AOAH: variants seen among roughly 807,000 people sequenced by gnomAD.
AOAH encodes acyloxyacyl hydrolase (neutrophil).
A neutral mutation model predicts 92.2 loss-of-function variants in AOAH; 64 were observed. The ratio of observed to expected loss-of-function variants is 0.69; its 90% CI spans 0.57 to 0.86. AOAH has a LOEUF of 0.86. Ranked by LOEUF, AOAH falls within the 40% of genes least tolerant of loss-of-function variation. AOAH has a pLI of 0.00. For missense variants in AOAH, 656 were observed against 694.6 expected, an observed-to-expected ratio of 0.94 and a Z score of 0.62; for synonymous variants, 263 against 254.5, an observed-to-expected ratio of 1.03 and a Z score of -0.32.
At chr7:36,695,646 A>G (rs999423917) in intron 1 of AOAH, among the ~76,000 whole-genome samples, 3 of 152,196 alleles carry the variant, frequency 2.0e-5, no homozygotes, top group Admixed American at 6.5e-5. Flanking sequence ...CACACTACAT[A>G]TATTAAAACA....
At chr7:36,646,794 G>A (rs770383965) in intron 4 of AOAH, among the ~76,000 whole-genome samples, 5 of 151,874 alleles carry the variant, frequency 3.3e-5, no homozygotes, top group Admixed American at 1.3e-4. Flanking sequence ...TTTTTCTCTC[G>A]CTCTGATCCT....
rs748233622 is a variant in AOAH, at chr7:36,540,428, A to G, written c.1197T>C (p.Thr399=). 24 of 1,613,936 alleles carry G rather than the reference A, an allele frequency of 1.5e-5. No homozygotes were observed. The South Asian group carries it at 2.1e-4, about 14-fold the overall frequency. The stretch of plus-strand genomic sequence containing the variant: ...GCAGGTGGGAATTTAGATGCTTCAG[A>G]GTCTGCATGACGTTGGAGTAGAGTT... The part of the protein sequence containing the change: ...PEKLYSNVMQ[T]LKHLNSHLPN... Residue 399 remains threonine, a synonymous_variant, in exon 16 of 21, where the codon ACT becomes ACC. Transcript: ENST00000617537.
intron 7 of AOAH, 112 bp from the exon 8 acceptor site, chr7:36,621,892 A>C: frequency 1.1e-6 from 1 of 896,930 alleles, no homozygotes; most frequent in Non-Finnish European, 1.9e-6. Context: ...TTTAATTCAG[A>C]TTCAATCTAG....
intron 1 of AOAH, among the ~76,000 whole-genome samples, chr7:36,689,736 C>T (rs1797268334): frequency 6.6e-6 from 1 of 152,168 alleles, no homozygotes; most frequent in Non-Finnish European, 1.5e-5. Flanking sequence ...CTGAAACAGC[C>T]TGGTATATTT....
chr7:36,613,974 A>G (rs539616178), intron 11 of AOAH, among the ~76,000 whole-genome samples: 1 of 152,190 alleles, frequency 6.6e-6, no homozygotes, highest in African/African-American at 2.4e-5. Context: ...GGCTTGGGAG[A>G]GGTTCAACCA....
intron 2 of AOAH, among the ~76,000 whole-genome samples, chr7:36,675,594 T>C (rs754864517): frequency 1.3e-5 from 2 of 152,220 alleles, no homozygotes; most frequent in Non-Finnish European, 2.9e-5. Context: ...TACTAACAAT[T>C]TATCAAGAAT....
chr7:36,575,246 G>C (rs369628559), intron 13 of AOAH, among the ~76,000 whole-genome samples: 28 of 152,250 alleles, frequency 1.8e-4, no homozygotes, highest in African/African-American at 6.3e-4. Context: ...GATCATCTGG[G>C]ATCATAGCCC....
intron 3 of AOAH, among the ~76,000 whole-genome samples, chr7:36,665,141 A>C (rs1382444554): frequency 1.3e-5 from 2 of 152,250 alleles, no homozygotes; most frequent in Admixed American, 1.3e-4. Context: ...AAGAAGTGAC[A>C]TCTTGACAGT....
intron 11 of AOAH, among the ~76,000 whole-genome samples, chr7:36,600,380 G>C (rs1323137764): frequency 6.6e-6 from 1 of 152,078 alleles, no homozygotes; most frequent in Admixed American, 6.6e-5. Flanking sequence ...CCCCTCTTAT[G>C]ATGAGCACCT....
intron 16 of AOAH, among the ~76,000 whole-genome samples, chr7:36,535,691 G>A (rs1166508197): frequency 6.6e-5 from 10 of 152,148 alleles, no homozygotes; most frequent in African/African-American, 9.7e-5. Context: ...CACTCGGCAC[G>A]TTCGCTGTCA....
rs1244072643 is a variant in AOAH at position 36,548,560 on chromosome 7, G to C, written c.1133+52C>G. 2.2e-5 allele frequency: 33 copies of C among 1,483,854 alleles called. No individual in the cohort carries two copies. The Admixed American group carries it at 5.5e-4, about 25-fold the overall frequency. 91.9% of individuals were successfully genotyped at this position (1,483,854 alleles called of 1,614,324 possible). On this transcript the variant is annotated intron_variant, in intron 15 of 20. Transcript: ENST00000617537. ...AGTGGAGTTGGTGAGGAGAGGGTGG[G>C]GAAGAGCCCAGAGCCAAAGAATCTT...
At position 36,724,158 on chromosome 7, in the gene AOAH, A is replaced by C. The variant is rs1799830738; in HGVS notation, c.-10T>G. On this transcript the variant is annotated 5_prime_UTR_variant, in exon 1 of 21. Coordinates refer to ENST00000617537, the MANE Select transcript of AOAH (RefSeq NM_001637.4). ...TCCAGGGGGACTGCATCTCCGAGCT[A>C]TGCACCCCAAGTGATCACCCGGCTT... 2 of 1,612,182 alleles carry C rather than the reference A, an allele frequency of 1.2e-6. No homozygotes were observed.
chr7:36,549,038 G>C (rs1786002944), intron 14 of AOAH, among the ~76,000 whole-genome samples: 1 of 152,168 alleles, frequency 6.6e-6, no homozygotes, highest in Non-Finnish European at 1.5e-5. Context: ...CATGTTCTTA[G>C]GATAACCTGG....
chr7:36,560,449 C>A (rs1313179318), intron 13 of AOAH, among the ~76,000 whole-genome samples: 1 of 152,146 alleles, frequency 6.6e-6, no homozygotes, highest in African/African-American at 2.4e-5. Flanking sequence ...AGGTCTTTGA[C>A]CTCCTTGGTT....
chr7:36,638,813 G>T (rs1793696480), intron 4 of AOAH, among the ~76,000 whole-genome samples: 1 of 152,218 alleles, frequency 6.6e-6, no homozygotes, highest in Non-Finnish European at 1.5e-5. Context: ...TGCTCTTCAG[G>T]TGGGTTTGGT....
chr7:36,600,616 G>A (rs1486503726), intron 11 of AOAH, among the ~76,000 whole-genome samples: 1 of 152,048 alleles, frequency 6.6e-6, no homozygotes, highest in Non-Finnish European at 1.5e-5. Context: ...TTGAGCCCAG[G>A]TTCTGGTGGA....
intron 18 of AOAH, 78 bp from the exon 19 acceptor site, chr7:36,530,592 A>T: frequency 5.4e-6 from 5 of 922,678 alleles, no homozygotes; most frequent in Non-Finnish European, 8.8e-6. Context: ...CAGAACAAAG[A>T]AATCGATCTT....
At chr7:36,590,247 T>C (rs1400556393) in intron 12 of AOAH, among the ~76,000 whole-genome samples, 1 of 150,526 alleles carries the variant, frequency 6.6e-6, no homozygotes, top group Non-Finnish European at 1.5e-5. Context: ...TTAAAAATAC[T>C]TTTTTCTTCC....
At chr7:36,517,160 T>TTCTTTCTTTCTTTCTC (rs1562853551) in intron 20 of AOAH, among the ~76,000 whole-genome samples, 2 of 38,954 alleles carry the variant, frequency 5.1e-5, no homozygotes, top group African/African-American at 8.4e-5. Context: ...ATGTTAGTCT[T>TTCTTTCTTTCTTTCTC]TCTTTCTTTC....
Sources: allele counts gnomAD v4.1 joint callset (sites outside exome capture counted in the v4.1 genomes callset), GRCh38; gene constraint gnomAD v4.1.1; transcripts MANE v1.5; gene names NCBI Gene and HGNC (gene_info 2026-07-23, HGNC 2026-07-21).